H1-4: variants seen among roughly 807,000 people sequenced by gnomAD.
H1-4 encodes the protein histone H1.4.
A neutral mutation model predicts 7.2 loss-of-function variants in H1-4; 9 were observed. The observed-to-expected ratio is 1.25, with a 90% CI of 0.75 to 2.18. H1-4 has a LOEUF of 2.18. H1-4 is among the 30% of genes most tolerant of loss of function. The pLI is 0.00. For synonymous variants in H1-4, 318 were observed against 126.6 expected (o/e 2.51, Z -10.15); for missense variants, 646 against 287.9 (o/e 2.24, Z -9.00).
At position 26,156,858 on chromosome 6, in the gene H1-4, G is replaced by A. The variant is rs1291806424; in HGVS notation, c.468G>A (p.Lys156=). 4 of 1,607,628 alleles carry A rather than the reference G, an allele frequency of 2.5e-6. No individual in the cohort carries two copies. The highest frequency in any genetic ancestry group is 3.4e-6 in the Non-Finnish European group (4 of 1,177,632). ...AGAAGAGCGCCAAGAAGACCCCAAA[G>A]AAGGCGAAGAAGCCGGCTGCAGCTG... is the stretch of plus-strand genomic sequence containing the variant. ...TPKKSAKKTP[K]KAKKPAAAAG... is the part of the protein sequence containing the mutation. The change falls in exon 1 of 1, where the codon AAG becomes AAA. Residue 156 remains lysine, a synonymous_variant. Coordinates refer to ENST00000304218, the MANE Select transcript of H1-4 (RefSeq NM_005321.3).
chr6:26,156,463 C>T lies in H1-4; in HGVS notation c.73C>T (p.Arg25Cys), dbSNP rs1382661462. ...GAAGACTCCCGTGAAGAAGAAGGCC[C>T]GCAAGTCTGCAGGTGCGGCCAAGCG... ...AEKTPVKKKA[R>C]KSAGAAKRKA... The change falls in exon 1 of 1, where the codon CGC becomes TGC. Residue 25 changes from arginine to cysteine, a missense_variant. Coordinates refer to ENST00000304218, the MANE Select transcript of H1-4 (RefSeq NM_005321.3). 3.7e-6 allele frequency: 6 copies of T among 1,612,710 alleles called. No individual in the cohort carries two copies. The highest frequency in any genetic ancestry group is 1.7e-4 in the Middle Eastern group (1 of 6,044).
In H1-4 at chr6:26,156,368, T is replaced by A. The variant is rs763787759; in HGVS notation, c.-23T>A. The A allele has an allele frequency of 6.5e-7, 1 of 1,527,676 alleles. No individual in the cohort carries two copies. Among genetic ancestry groups the A allele is most frequent in the African/African-American group, 1.4e-5 (1 of 72,100 alleles). The allele number at this position is 1,527,676 out of a possible 1,614,324, so 94.6% of individuals were successfully genotyped here. On this transcript the variant is annotated 5_prime_UTR_variant, in exon 1 of 1. Transcript: ENST00000304218. ...TGCCTCTGCTTCCGGCTCGAATTGC[T>A]CTCGCTCACGCTTGCCTTCAACATG...
In H1-4 at chr6:26,157,077, A is replaced by C; in HGVS notation, c.*27A>C. The C allele has an allele frequency of 6.4e-7, 1 of 1,569,336 alleles. No individual in the cohort carries two copies. Among genetic ancestry groups the C allele is most frequent in the Non-Finnish European group, 8.6e-7 (1 of 1,167,190 alleles). On this transcript the variant is annotated 3_prime_UTR_variant, in exon 1 of 1. Transcript: ENST00000304218. ...AAGTTCCTTTGGCCAACTGCTTAGA[A>C]GCCCAACACAACCCAAAGGCTCTTT...
rs767042363 is a variant in H1-4, at chr6:26,156,793, G to A, written c.403G>A (p.Ala135Thr). 6 of 1,611,542 alleles carry A rather than the reference G, an allele frequency of 3.7e-6. No homozygotes were observed. The highest frequency in any genetic ancestry group is 2.2e-5 in the East Asian group (1 of 44,786). ...AAKAKKPAGA[A>T]KKPKKATGAA... is the part of the protein sequence containing the mutation. ...CAAGGCCAAGAAGCCAGCAGGAGCG[G>A]CGAAGAAGCCCAAGAAGGCGACGGG... Residue 135 changes from alanine to threonine, a missense_variant, in exon 1 of 1, where the codon GCG becomes ACG. Ala to Thr is a moderately conservative substitution (Grantham distance 58). Transcript: ENST00000304218.
In H1-4 at chr6:26,156,935, A is replaced by G; in HGVS notation, c.545A>G (p.Lys182Arg). The G allele has an allele frequency of 1.2e-6, 2 of 1,612,426 alleles. No homozygotes were observed. The highest frequency in any genetic ancestry group is 1.1e-5 in the South Asian group (1 of 91,024). The change falls in exon 1 of 1, where the codon AAA (lysine) becomes AGA (arginine). Residue 182 changes from lysine to arginine, a missense_variant. Coordinates refer to ENST00000304218, the MANE Select transcript of H1-4 (RefSeq NM_005321.3). ...AAAAAGGCGAAAGCAGCCAAGCCAA[A>G]AAAGGCGCCCAAGAGCCCAGCGAAG... ...SPKKAKAAKP[K>R]KAPKSPAKAK...
At position 26,156,871 on chromosome 6, in the gene H1-4, C is replaced by G. The variant is rs770015565; in HGVS notation, c.481C>G (p.Pro161Ala). The G allele has an allele frequency of 1.9e-6, 3 of 1,607,336 alleles. No homozygotes were observed. Among genetic ancestry groups the G allele is most frequent in the Non-Finnish European group, 2.5e-6 (3 of 1,177,678 alleles). ...GAAGACCCCAAAGAAGGCGAAGAAGCCGGCTGCAGCTGCTGGAGCCAAAAA... is the reference window on the plus strand; with the variant it reads ...GAAGACCCCAAAGAAGGCGAAGAAGGCGGCTGCAGCTGCTGGAGCCAAAAA... ...AKKTPKKAKK[P>A]AAAAGAKKAK... Residue 161 changes from proline to alanine, a missense_variant, in exon 1 of 1, where the codon CCG becomes GCG. By Grantham distance (27) the Pro-to-Ala change is conservative. Coordinates refer to ENST00000304218, the MANE Select transcript of H1-4 (RefSeq NM_005321.3).
chr6:26,157,115 AC>A, downstream of H1-4: 3 of 1,531,352 alleles, frequency 2.0e-6, no homozygotes, highest in Non-Finnish European at 1.7e-6. Flanking sequence ...AGAGCCACCC[AC>A]CGCTCTCAGT....
rs537217446 is a variant in H1-4, at chr6:26,157,016, C to G, written c.626C>G (p.Ala209Gly). 2 of 1,587,062 alleles carry G rather than the reference C, an allele frequency of 1.3e-6. No individual in the cohort carries two copies. Among genetic ancestry groups the G allele is most frequent in the East Asian group, 4.5e-5 (2 of 44,802 alleles). Reference sequence around the variant, plus strand: ...CCAAAGACCGCCAAGCCCAAGGCAGCCAAGCCAAAGAAGGCGGCAGCCAAG... The same window carrying G: ...CCAAAGACCGCCAAGCCCAAGGCAGGCAAGCCAAAGAAGGCGGCAGCCAAG... ...AKPKTAKPKAAKPKKAAAKKK is the reference protein window; with the variant it reads ...AKPKTAKPKAGKPKKAAAKKK Residue 209 changes from alanine to glycine, a missense_variant, in exon 1 of 1, where the codon GCC (alanine) becomes GGC (glycine). By Grantham distance (60) the Ala-to-Gly change is moderately conservative (BLOSUM62 0). Coordinates refer to ENST00000304218, the MANE Select transcript of H1-4 (RefSeq NM_005321.3).
Position 26,156,414 on chromosome 6 carries a change from G to A in H1-4, c.24G>A (p.Ala8=), listed in dbSNP as rs760212562. The part of the protein sequence containing the change: MSETAPA[A]PAAPAPAEKT... Reference sequence around the variant, plus strand: ...ACATGTCCGAGACTGCGCCTGCCGCGCCCGCTGCTCCGGCCCCTGCCGAGA... The same window carrying A: ...ACATGTCCGAGACTGCGCCTGCCGCACCCGCTGCTCCGGCCCCTGCCGAGA... The change falls in exon 1 of 1, where the codon GCG becomes GCA. Residue 8 remains alanine (A), a synonymous_variant. Coordinates refer to ENST00000304218, the MANE Select transcript of H1-4 (RefSeq NM_005321.3). The A allele has an allele frequency of 1.2e-5, 19 of 1,589,196 alleles. No individual in the cohort carries two copies. In the African/African-American group the frequency reaches 2.0e-4, roughly 17 times the overall value.
At position 26,156,623 on chromosome 6, in the gene H1-4, G is replaced by A. The variant is rs751038504; in HGVS notation, c.233G>A (p.Ser78Asn). 16 of 1,614,242 alleles carry A rather than the reference G, an allele frequency of 9.9e-6. No individual in the cohort carries two copies. The highest frequency in any genetic ancestry group is 3.3e-5 in the Admixed American group (2 of 60,036). ...AAGYDVEKNN[S>N]RIKLGLKSLV... ...GGCTATGACGTGGAGAAGAACAACA[G>A]CCGCATCAAGCTGGGTCTCAAGAGC... Residue 78 changes from serine to asparagine, a missense_variant, in exon 1 of 1, where the codon AGC becomes AAC. Physicochemically the swap from Ser to Asn is conservative, Grantham distance 46. Coordinates refer to ENST00000304218, the MANE Select transcript of H1-4 (RefSeq NM_005321.3).
rs1402003907 is a variant in H1-4, at chr6:26,157,053, A to G, written c.*3A>G. 6.3e-7 allele frequency: 1 copy of G among 1,579,858 alleles called. No individual in the cohort carries two copies. The highest frequency in any genetic ancestry group is 8.5e-7 in the Non-Finnish European group (1 of 1,171,420). On this transcript the variant is annotated 3_prime_UTR_variant, in exon 1 of 1. Coordinates refer to ENST00000304218, the MANE Select transcript of H1-4 (RefSeq NM_005321.3). ...AGGCGGCAGCCAAGAAAAAGTAGAA[A>G]GTTCCTTTGGCCAACTGCTTAGAAG...
chr6:26,156,592 G>T lies in H1-4; in HGVS notation c.202G>T (p.Ala68Ser). ...SLAALKKALA[A>S]AGYDVEKNNS... is the part of the protein sequence containing the mutation. Reference sequence around the variant, plus strand: ...GGCCGCTCTCAAGAAAGCGCTGGCAGCCGCTGGCTATGACGTGGAGAAGAA... The same window carrying T: ...GGCCGCTCTCAAGAAAGCGCTGGCATCCGCTGGCTATGACGTGGAGAAGAA... The change falls in exon 1 of 1, where the codon GCC becomes TCC. Residue 68 changes from alanine (A) to serine (S), a missense_variant. Transcript: ENST00000304218. 1 of 1,614,224 alleles carries T rather than the reference G, an allele frequency of 6.2e-7. No individual in the cohort carries two copies. The highest frequency in any genetic ancestry group is 8.5e-7 in the Non-Finnish European group (1 of 1,180,024).
chr6:26,157,019 A>C lies in H1-4; in HGVS notation c.629A>C (p.Lys210Thr). Residue 210 changes from lysine (K) to threonine (T), a missense_variant, in exon 1 of 1, where the codon AAG becomes ACG. Physicochemically the swap from Lys to Thr is moderately conservative, Grantham distance 78 (BLOSUM62 -1). Coordinates refer to ENST00000304218, the MANE Select transcript of H1-4 (RefSeq NM_005321.3). ...KPKTAKPKAA[K>T]PKKAAAKKK Reference sequence around the variant, plus strand: ...AAGACCGCCAAGCCCAAGGCAGCCAAGCCAAAGAAGGCGGCAGCCAAGAAA... The same window carrying C: ...AAGACCGCCAAGCCCAAGGCAGCCACGCCAAAGAAGGCGGCAGCCAAGAAA... The C allele has an allele frequency of 1.3e-6, 2 of 1,585,210 alleles. No individual in the cohort carries two copies. The highest frequency in any genetic ancestry group is 4.0e-5 in the Admixed American group (2 of 50,512).
In H1-4 at chr6:26,156,985, GC is replaced by G; in HGVS notation, c.596del (p.Ala199ValfsTer30). 6.2e-7 allele frequency: 1 copy of G among 1,607,394 alleles called. No individual in the cohort carries two copies. ...GGCCAAAGCAGTTAAACCCAAGGCG[GC>G]TAAACCAAAGACCGCCAAGCCCAAG... is the stretch of plus-strand genomic sequence containing the variant. ...AKAKAVKPKA[A>X]KPKTAKPKAA... On this transcript the variant is annotated frameshift_variant, in exon 1 of 1. Coordinates refer to ENST00000304218, the MANE Select transcript of H1-4 (RefSeq NM_005321.3). LOFTEE classifies it high-confidence loss of function.
At position 26,156,409 on chromosome 6, in the gene H1-4, G is replaced by T; in HGVS notation, c.19G>T (p.Ala7Ser). The change falls in exon 1 of 1, where the codon GCC (alanine) becomes TCC (serine). Residue 7 changes from alanine (A) to serine (S), a missense_variant. Physicochemically the swap from Ala to Ser is moderately conservative, Grantham distance 99. Transcript: ENST00000304218. Reference sequence around the variant, plus strand: ...CTTCAACATGTCCGAGACTGCGCCTGCCGCGCCCGCTGCTCCGGCCCCTGC... The same window carrying T: ...CTTCAACATGTCCGAGACTGCGCCTTCCGCGCCCGCTGCTCCGGCCCCTGC... The part of the protein sequence containing the change: MSETAP[A>S]APAAPAPAEK... The T allele has an allele frequency of 3.1e-6, 5 of 1,588,594 alleles. No homozygotes were observed. The highest frequency in any genetic ancestry group is 1.1e-5 in the South Asian group (1 of 89,630).
chr6:26,156,891 C>A lies in H1-4; in HGVS notation c.501C>A (p.Ala167=). 6.2e-7 allele frequency: 1 copy of A among 1,608,190 alleles called. No homozygotes were observed. The highest frequency in any genetic ancestry group is 1.1e-5 in the South Asian group (1 of 90,722). Residue 167 remains alanine, a synonymous_variant, in exon 1 of 1, where the codon GCC becomes GCA. Coordinates refer to ENST00000304218, the MANE Select transcript of H1-4 (RefSeq NM_005321.3). ...AGAAGCCGGCTGCAGCTGCTGGAGC[C>A]AAAAAAGCGAAAAGCCCGAAAAAGG... ...KAKKPAAAAG[A]KKAKSPKKAK... is the part of the protein sequence containing the mutation.
chr6:26,156,999 C>G lies in H1-4; in HGVS notation c.609C>G (p.Thr203=), dbSNP rs758064251. Residue 203 remains threonine, a synonymous_variant, in exon 1 of 1, where the codon ACC becomes ACG. Coordinates refer to ENST00000304218, the MANE Select transcript of H1-4 (RefSeq NM_005321.3). ...AVKPKAAKPK[T]AKPKAAKPKK... is the part of the protein sequence containing the mutation. ...AACCCAAGGCGGCTAAACCAAAGACCGCCAAGCCCAAGGCAGCCAAGCCAA... is the reference window on the plus strand; with the variant it reads ...AACCCAAGGCGGCTAAACCAAAGACGGCCAAGCCCAAGGCAGCCAAGCCAA... 6.9e-6 allele frequency: 11 copies of G among 1,599,724 alleles called. No homozygotes were observed. The highest frequency in any genetic ancestry group is 1.8e-5 in the Admixed American group (1 of 55,592).
At position 26,156,800 on chromosome 6, in the gene H1-4, A is replaced by C; in HGVS notation, c.410A>C (p.Lys137Thr). 6.2e-7 allele frequency: 1 copy of C among 1,610,776 alleles called. No individual in the cohort carries two copies. The highest frequency in any genetic ancestry group is 8.5e-7 in the Non-Finnish European group (1 of 1,178,498). Residue 137 changes from lysine to threonine, a missense_variant, in exon 1 of 1, where the codon AAG (lysine) becomes ACG (threonine). Lys to Thr is a moderately conservative substitution (Grantham distance 78). Transcript: ENST00000304218. Reference sequence around the variant, plus strand: ...AAGAAGCCAGCAGGAGCGGCGAAGAAGCCCAAGAAGGCGACGGGGGCGGCC... The same window carrying C: ...AAGAAGCCAGCAGGAGCGGCGAAGACGCCCAAGAAGGCGACGGGGGCGGCC... ...KAKKPAGAAK[K>T]PKKATGAATP...
chr6:26,156,370 T>A lies in H1-4; in HGVS notation c.-21T>A. On this transcript the variant is annotated 5_prime_UTR_variant, in exon 1 of 1. Coordinates refer to ENST00000304218, the MANE Select transcript of H1-4 (RefSeq NM_005321.3). ...CCTCTGCTTCCGGCTCGAATTGCTCTCGCTCACGCTTGCCTTCAACATGTC... is the reference window on the plus strand; with the variant it reads ...CCTCTGCTTCCGGCTCGAATTGCTCACGCTCACGCTTGCCTTCAACATGTC... 1 of 1,529,498 alleles carries A rather than the reference T, an allele frequency of 6.5e-7. No individual in the cohort carries two copies. The highest frequency in any genetic ancestry group is 8.7e-7 in the Non-Finnish European group (1 of 1,143,450). The allele number at this position is 1,529,498 out of a possible 1,614,324, so 94.7% of individuals were successfully genotyped here.
Sources: allele counts gnomAD v4.1 joint callset, GRCh38; gene constraint gnomAD v4.1.1; transcripts MANE v1.5; gene names NCBI Gene and HGNC (gene_info 2026-07-23, HGNC 2026-07-21).